ANO3: variants seen among roughly 807,000 people sequenced by gnomAD.
ANO3 encodes anoctamin-3.
Under a neutral mutation model 144.8 loss-of-function variants are expected in ANO3, and 99 were observed. That is an observed-to-expected ratio of 0.68 (90% CI 0.58 to 0.81). The LOEUF is 0.81. Among genes scored for constraint, ANO3 ranks in the 30% least tolerant of loss-of-function variants. ANO3 has a pLI of 0.00. For missense variants in ANO3, 905 were observed against 1,202.2 expected (o/e 0.75, Z 3.66); for synonymous variants, 414 against 392.6 (o/e 1.05, Z -0.64).
At chr11:26,289,101 T>C (rs1853875261) in intron 1 of ANO3, among the ~76,000 whole-genome samples, 1 of 152,168 alleles carries the variant, frequency 6.6e-6, no homozygotes, top group Non-Finnish European at 1.5e-5. Context: ...TCAGGTCTCC[T>C]TTTATAGATT....
chr11:26,480,310 C>T (rs1426660649), intron 4 of ANO3, among the ~76,000 whole-genome samples: 2 of 152,124 alleles, frequency 1.3e-5, no homozygotes, highest in Non-Finnish European at 2.9e-5. Context: ...ATCACCAGTT[C>T]ACTGGTCTTC....
chr11:26,656,808 A>T (rs546362650), intron 26 of ANO3, among the ~76,000 whole-genome samples: 1 of 152,250 alleles, frequency 6.6e-6, no homozygotes, highest in African/African-American at 2.4e-5. Context: ...TCATCCAATA[A>T]AAGAATCCAT....
intron 1 of ANO3, among the ~76,000 whole-genome samples, chr11:26,266,895 C>A (rs1260985327): frequency 1.3e-5 from 2 of 150,518 alleles, no homozygotes; most frequent in African/African-American, 2.4e-5. Flanking sequence ...TCCTGGCTAA[C>A]ACGGTGAAAC....
At chr11:26,216,039 T>C (rs1852030055) in intron 1 of ANO3, among the ~76,000 whole-genome samples, 1 of 152,010 alleles carries the variant, frequency 6.6e-6, no homozygotes. Context: ...CCAAATTTGC[T>C]TAGGTCAGCC....
At chr11:26,318,187 C>T (rs199837635) in intron 1 of ANO3, among the ~76,000 whole-genome samples, 2 of 152,106 alleles carry the variant, frequency 1.3e-5, no homozygotes, top group African/African-American at 4.8e-5. Context: ...CCGCAAACCA[C>T]CGCAGCACGT....
chr11:26,254,763 A>G (rs1853016781), intron 1 of ANO3, among the ~76,000 whole-genome samples: 1 of 152,168 alleles, frequency 6.6e-6, no homozygotes, highest in Non-Finnish European at 1.5e-5. Context: ...GAGTTTCTAT[A>G]TTCAACTGAG....
At chr11:26,332,406 A>T (rs1265527432) in intron 1 of ANO3, 85 bp downstream of exon 1, 3 of 1,317,870 alleles carry the variant, frequency 2.3e-6, no homozygotes, top group Non-Finnish European at 3.3e-6. Context: ...CATCCTTTGC[A>T]GGCTTATGCG....
At chr11:26,640,517 A>G (rs577471350) in intron 21 of ANO3, among the ~76,000 whole-genome samples, 1 of 152,346 alleles carries the variant, frequency 6.6e-6, no homozygotes, top group South Asian at 2.1e-4. Context: ...TTAGATGTCA[A>G]GTGCCTAGCA....
chr11:26,351,556 A>G (rs1434458175), intron 1 of ANO3, among the ~76,000 whole-genome samples: 1 of 152,168 alleles, frequency 6.6e-6, no homozygotes, highest in Non-Finnish European at 1.5e-5. Context: ...ATCATCCTTG[A>G]GGGAAAGATT....
At chr11:26,574,009 C>T (rs1850923152) in intron 14 of ANO3, among the ~76,000 whole-genome samples, 1 of 152,172 alleles carries the variant, frequency 6.6e-6, no homozygotes, top group Non-Finnish European at 1.5e-5. Flanking sequence ...AGACCAATCC[C>T]ACTTTAGACC....
chr11:26,581,602 T>A lies in ANO3; in HGVS notation c.1448-16763T>A, dbSNP rs563819415. On this transcript the variant is annotated intron_variant, in intron 14 of 26. Transcript: ENST00000256737. ...TATGTGGGAGGCTGAGGCAGGAGAA[T>A]TGCTTGAACCTGGGAGGCGGAAGTT... Among the ~76,000 whole-genome samples the A allele has an allele frequency of 4.7e-5, 7 of 148,370 alleles. No homozygotes were observed. The East Asian group carries it at 1.4e-3, about 30-fold the overall frequency.
At chr11:26,260,970 G>A (rs575463328) in intron 1 of ANO3, among the ~76,000 whole-genome samples, 1 of 152,154 alleles carries the variant, frequency 6.6e-6, no homozygotes, top group South Asian at 2.1e-4. Context: ...CATATCTAGA[G>A]AATTAGCATT....
At chr11:26,623,237 T>C (rs1258371646) in intron 17 of ANO3, among the ~76,000 whole-genome samples, 1 of 152,200 alleles carries the variant, frequency 6.6e-6, no homozygotes, top group Admixed American at 6.6e-5. Flanking sequence ...AGATGAGTCA[T>C]CACAATCATT....
chr11:26,192,793 T>A (rs796651308), intron 1 of ANO3, among the ~76,000 whole-genome samples: 69 of 152,318 alleles, frequency 4.5e-4, no homozygotes, highest in African/African-American at 1.6e-3. Context: ...TTTACTGTTC[T>A]TTTTTCTCCC....
At chr11:26,411,862 C>T (rs1857441945) in intron 1 of ANO3, among the ~76,000 whole-genome samples, 1 of 151,876 alleles carries the variant, frequency 6.6e-6, no homozygotes, top group African/African-American at 2.4e-5. Context: ...TATCTTCCTC[C>T]CCCACAGACT....
At chr11:26,651,262 G>T (rs929867539) in intron 24 of ANO3, among the ~76,000 whole-genome samples, 1 of 152,260 alleles carries the variant, frequency 6.6e-6, no homozygotes, top group Non-Finnish European at 1.5e-5. Flanking sequence ...TAATGTAACA[G>T]AATGAAAACG....
chr11:26,366,805 G>A (rs12294437), intron 1 of ANO3, among the ~76,000 whole-genome samples: 1 of 142,786 alleles, frequency 7.0e-6, no homozygotes, highest in Middle Eastern at 3.5e-3. Flanking sequence ...CATATCCTTT[G>A]CCCACTTTTT....
intron 1 of ANO3, among the ~76,000 whole-genome samples, chr11:26,379,913 C>T (rs1010214465): frequency 1.3e-5 from 2 of 152,160 alleles, no homozygotes; most frequent in Admixed American, 6.5e-5. Flanking sequence ...GTGGGAATAA[C>T]ACCTTGAGCA....
rs1554928314 is a variant in ANO3 at position 26,245,018 on chromosome 11, T to TGTGCGCGCGCGC, written c.154+55692_154+55693insGCGCGCGCGTGC. 5.5e-5 allele frequency among the ~76,000 whole-genome samples: 8 copies of TGTGCGCGCGCGC among 145,426 alleles called. No homozygotes were observed. In the South Asian group the frequency reaches 1.8e-3, roughly 33 times the overall value. ...GTGTGTGTGTGTGTGTGTGTGTGTG[T>TGTGCGCGCGCGC]GTGCATGCATGCATTTGTCTTTCAT... On this transcript the variant is annotated intron_variant, in intron 1 of 27. Coordinates refer to the ANO3 transcript ENST00000672621.
Sources: gnomAD v4.1 joint callset for allele counts (sites outside exome capture counted in the v4.1 genomes callset) on GRCh38, gnomAD v4.1.1 for gene constraint, MANE v1.5 for transcripts, NCBI Gene and HGNC (gene_info 2026-07-23, HGNC 2026-07-21) for gene names.